Variants in TLE1 observed in about 807,000 individuals in gnomAD.
The protein encoded by TLE1 is transducin-like enhancer protein 1.
A neutral mutation model predicts 89.8 loss-of-function variants in TLE1; 21 were observed. The ratio of observed to expected loss-of-function variants is 0.23; its 90% CI spans 0.17 to 0.34. TLE1 has a LOEUF of 0.34. Ranked by LOEUF, TLE1 falls within the 10% of genes least tolerant of loss-of-function variation. The pLI is 1.00. For synonymous variants in TLE1, 447 were observed against 407.6 expected (o/e 1.10, Z -1.16); for missense variants, 795 against 1,031.2 (o/e 0.77, Z 3.14).
At chr9:81,654,062 T>G in intron 4 of TLE1, 26 bp from the exon 5 acceptor site, 1 of 1,610,266 alleles carries the variant, frequency 6.2e-7, no homozygotes, top group South Asian at 1.1e-5. Context: ...CACACAAATG[T>G]TTAGAATACT....
intron 11 of TLE1, among the ~76,000 whole-genome samples, chr9:81,613,872 G>A (rs1053968195): frequency 4.0e-5 from 6 of 151,298 alleles, no homozygotes; most frequent in African/African-American, 1.5e-4. Context: ...CACATGTCCT[G>A]GCCGCCAAGT....
At chr9:81,628,951 T>C (rs746983470) in intron 8 of TLE1, among the ~76,000 whole-genome samples, 1 of 152,274 alleles carries the variant, frequency 6.6e-6, no homozygotes, top group South Asian at 2.1e-4. Flanking sequence ...CATCCATGAA[T>C]GCCACTGCGT....
At chr9:81,616,389 T>G (rs577461097) in intron 10 of TLE1, among the ~76,000 whole-genome samples, 6 of 152,096 alleles carry the variant, frequency 3.9e-5, no homozygotes, top group Admixed American at 3.9e-4. Context: ...TAGAGGGCAC[T>G]GGAAGGAAAG....
chr9:81,626,303 C>T (rs1308816441), intron 8 of TLE1, among the ~76,000 whole-genome samples: 1 of 152,054 alleles, frequency 6.6e-6, no homozygotes, highest in Non-Finnish European at 1.5e-5. Flanking sequence ...TCCACACTGA[C>T]AATTAACTTC....
chr9:81,589,670 TAGC>T (rs1829196944), intron 16 of TLE1, among the ~76,000 whole-genome samples: 1 of 152,006 alleles, frequency 6.6e-6, no homozygotes, highest in Non-Finnish European at 1.5e-5. Flanking sequence ...ATGGGGCAAA[TAGC>T]AGGACAGACG....
intron 5 of TLE1, among the ~76,000 whole-genome samples, chr9:81,653,225 C>T (rs1394920946): frequency 6.6e-6 from 1 of 152,172 alleles, no homozygotes; most frequent in Non-Finnish European, 1.5e-5. Flanking sequence ...CAACAGGTGC[C>T]AACCAGGATA....
At chr9:81,656,774 A>C (rs1486581995) in intron 4 of TLE1, among the ~76,000 whole-genome samples, 3 of 152,252 alleles carry the variant, frequency 2.0e-5, no homozygotes, top group Non-Finnish European at 4.4e-5. Flanking sequence ...ATGTCTAAGT[A>C]CTATTGACAC....
At chr9:81,587,207 T>G (rs940199869) in intron 17 of TLE1, among the ~76,000 whole-genome samples, 2 of 152,222 alleles carry the variant, frequency 1.3e-5, no homozygotes, top group African/African-American at 4.8e-5. Context: ...CTGTGCATTT[T>G]TTTGAGCTCT....
At chr9:81,634,558 C>CCTCACATCTACA (rs1256327739) in intron 6 of TLE1, among the ~76,000 whole-genome samples, 1 of 151,312 alleles carries the variant, frequency 6.6e-6, no homozygotes, top group Non-Finnish European at 1.5e-5. Context: ...AAAATATAAT[C>CCTCACATCTACA]CTCACATCTA....
At chr9:81,658,545 T>G (rs1170638156) in intron 4 of TLE1, among the ~76,000 whole-genome samples, 1 of 152,200 alleles carries the variant, frequency 6.6e-6, no homozygotes, top group Non-Finnish European at 1.5e-5. Flanking sequence ...AGCTTGACTT[T>G]TGAGCCAGAA....
chr9:81,586,933 T>C (rs1828556236), intron 17 of TLE1, among the ~76,000 whole-genome samples: 1 of 152,252 alleles, frequency 6.6e-6, no homozygotes, highest in Admixed American at 6.5e-5. Flanking sequence ...CCTAGTTTTC[T>C]GAGTAGAATT....
At chr9:81,675,379 G>A (rs1005451838) in intron 4 of TLE1, among the ~76,000 whole-genome samples, 2 of 152,168 alleles carry the variant, frequency 1.3e-5, no homozygotes, top group Non-Finnish European at 2.9e-5. Flanking sequence ...CTGGTGACAA[G>A]TCAAGTTTAA....
At chr9:81,655,320 G>A (rs983213520) in intron 4 of TLE1, among the ~76,000 whole-genome samples, 2 of 152,024 alleles carry the variant, frequency 1.3e-5, no homozygotes, top group East Asian at 1.9e-4. Context: ...CCGAGATCAC[G>A]CCACTGCACT....
chr9:81,626,429 C>T (rs192088884), intron 8 of TLE1, among the ~76,000 whole-genome samples: 93 of 152,254 alleles, frequency 6.1e-4, no homozygotes, highest in Admixed American at 2.5e-3. Context: ...TTGCTACGGT[C>T]CAACTGGTCA....
chr9:81,594,430 G>T (rs1386769486), intron 14 of TLE1, among the ~76,000 whole-genome samples: 2 of 152,006 alleles, frequency 1.3e-5, no homozygotes, highest in East Asian at 1.9e-4. Context: ...ACTAACACAG[G>T]AACAGAAAAC....
chr9:81,655,648 A>G (rs1830065467), intron 4 of TLE1, among the ~76,000 whole-genome samples: 1 of 152,156 alleles, frequency 6.6e-6, no homozygotes, highest in African/African-American at 2.4e-5. Flanking sequence ...CATTTTGTCA[A>G]TGCTTACTAA....
At chr9:81,647,956 T>C (rs1195494441) in intron 6 of TLE1, among the ~76,000 whole-genome samples, 1 of 152,178 alleles carries the variant, frequency 6.6e-6, no homozygotes, top group Non-Finnish European at 1.5e-5. Flanking sequence ...TGATTCTCTT[T>C]TAACTTTTCA....
chr9:81,594,111 C>G (rs1341161402), intron 14 of TLE1, among the ~76,000 whole-genome samples: 1 of 152,094 alleles, frequency 6.6e-6, no homozygotes, highest in Non-Finnish European at 1.5e-5. Context: ...GAACCTATAA[C>G]TGCTCTAAAA....
chr9:81,585,409 C>A (rs1161151511), intron 18 of TLE1, 96 bp downstream of exon 18: 3 of 1,475,912 alleles, frequency 2.0e-6, no homozygotes, highest in Non-Finnish European at 2.8e-6. Flanking sequence ...GCTCGGAGAA[C>A]ATTTTTTCCA....
Sources: allele counts gnomAD v4.1 joint callset (sites outside exome capture counted in the v4.1 genomes callset), GRCh38; gene constraint gnomAD v4.1.1; transcripts MANE v1.5; gene names NCBI Gene and HGNC (gene_info 2026-07-23, HGNC 2026-07-21).